The following OTUD7A variants were observed in gnomAD, a reference collection of about 807,000 sequenced individuals.
The protein encoded by OTUD7A is OTU domain-containing protein 7A.
OTUD7A carries 12 observed loss-of-function variants against 65.7 expected under a neutral mutation model. That is an observed-to-expected ratio of 0.18 (90% confidence interval 0.12 to 0.30). The LOEUF (loss-of-function observed/expected upper bound fraction) is 0.30, where lower values mean the gene tolerates loss of function less well. Among genes scored for constraint, OTUD7A ranks in the 10% least tolerant of loss-of-function variants. The pLI is 1.00. For synonymous variants in OTUD7A, 641 were observed against 586.3 expected, an observed-to-expected ratio of 1.09 and a Z score of -1.35; for missense variants, 1,148 against 1,304.8, an observed-to-expected ratio of 0.88 and a Z score of 1.85.
At chr15:31,582,806 A>T (rs1889412169) in intron 3 of OTUD7A, among the ~76,000 whole-genome samples, 1 of 152,234 alleles carries the variant, frequency 6.6e-6, no homozygotes, top group African/African-American at 2.4e-5. Flanking sequence ...TCAATGAGGG[A>T]TGATGAGGAT....
intron 8 of OTUD7A, among the ~76,000 whole-genome samples, chr15:31,523,618 T>A (rs1477597321): frequency 6.6e-6 from 1 of 152,140 alleles, no homozygotes; most frequent in Non-Finnish European, 1.5e-5. Flanking sequence ...ATCCTGGCCT[T>A]ACATCCCCTA....
At chr15:31,768,809 C>T (rs1895156857) in intron 1 of OTUD7A, among the ~76,000 whole-genome samples, 1 of 152,098 alleles carries the variant, frequency 6.6e-6, no homozygotes, top group Middle Eastern at 3.2e-3. Context: ...TGTTGTTCTA[C>T]ACAGACTGTG....
chr15:31,552,342 G>A (rs974954632), intron 5 of OTUD7A, among the ~76,000 whole-genome samples: 6 of 152,204 alleles, frequency 3.9e-5, no homozygotes, highest in African/African-American at 1.4e-4. Flanking sequence ...TAGGATTTGA[G>A]ACACCACAGG....
At chr15:31,816,106 G>A (rs1033824023) in intron 1 of OTUD7A, among the ~76,000 whole-genome samples, 1 of 152,192 alleles carries the variant, frequency 6.6e-6, no homozygotes, top group Non-Finnish European at 1.5e-5. Context: ...GGGCACAGGT[G>A]AGGATGCTGC....
At chr15:31,852,420 G>T (rs548655234) in intron 1 of OTUD7A, among the ~76,000 whole-genome samples, 10 of 152,202 alleles carry the variant, frequency 6.6e-5, no homozygotes, top group African/African-American at 2.4e-4. Flanking sequence ...AAAAACTAAG[G>T]GTTGTTAACA....
intron 1 of OTUD7A, among the ~76,000 whole-genome samples, chr15:31,679,718 TA>T (rs1190307838): frequency 3.9e-5 from 6 of 152,182 alleles, no homozygotes; most frequent in Non-Finnish European, 2.9e-5. Flanking sequence ...GTGAGCCAAT[TA>T]AACCTCTTTC....
intron 1 of OTUD7A, among the ~76,000 whole-genome samples, chr15:31,827,408 C>T (rs1399567466): frequency 1.3e-5 from 2 of 152,174 alleles, no homozygotes; most frequent in African/African-American, 4.8e-5. Context: ...TGAGGGAAAC[C>T]ACCCCATGAT....
intron 1 of OTUD7A, among the ~76,000 whole-genome samples, chr15:31,821,187 G>A (rs1352369780): frequency 2.8e-5 from 4 of 142,496 alleles, no homozygotes; most frequent in African/African-American, 1.1e-4. Context: ...CCAGGCTGGA[G>A]TGCAGTGGCG....
intron 1 of OTUD7A, among the ~76,000 whole-genome samples, chr15:31,709,155 G>C (rs1893375032): frequency 6.6e-6 from 1 of 151,516 alleles, no homozygotes; most frequent in Admixed American, 6.5e-5. Context: ...GGGCTGAACA[G>C]GCCAGACCTC....
intron 10 of OTUD7A, among the ~76,000 whole-genome samples, chr15:31,490,036 C>T (rs1233020632): frequency 6.6e-6 from 1 of 152,258 alleles, no homozygotes; most frequent in African/African-American, 2.4e-5. Context: ...AGAGGGTCAA[C>T]TGCGGCCTGT....
intron 4 of OTUD7A, among the ~76,000 whole-genome samples, chr15:31,561,823 A>T (rs1237743019): frequency 2.1e-5 from 3 of 141,900 alleles, no homozygotes; most frequent in Admixed American, 2.1e-4. Flanking sequence ...GATTCTTTAA[A>T]CGTGAACTCA....
chr15:31,533,209 T>C (rs1335876508), intron 5 of OTUD7A, among the ~76,000 whole-genome samples: 1 of 151,778 alleles, frequency 6.6e-6, no homozygotes, highest in Non-Finnish European at 1.5e-5. Flanking sequence ...TTGGCTACCG[T>C]GTAGGCCAGA....
chr15:31,844,322 T>G (rs957539960), intron 1 of OTUD7A, among the ~76,000 whole-genome samples: 1 of 152,172 alleles, frequency 6.6e-6, no homozygotes, highest in Non-Finnish European at 1.5e-5. Context: ...CTGACCAGCA[T>G]AGTGAAACCC....
chr15:31,777,182 A>G (rs1211026005), intron 1 of OTUD7A, among the ~76,000 whole-genome samples: 1 of 152,096 alleles, frequency 6.6e-6, no homozygotes, highest in Non-Finnish European at 1.5e-5. Context: ...ATACACGGTG[A>G]CTTCTCCCTG....
intron 5 of OTUD7A, chr15:31,557,720 T>A (rs1381161275): frequency 6.6e-6 from 1 of 152,352 alleles, no homozygotes; most frequent in Non-Finnish European, 1.5e-5. Flanking sequence ...AGTTTTGTGC[T>A]GCCTTTTCTT....
chr15:31,777,425 A>C (rs947323129), intron 1 of OTUD7A, among the ~76,000 whole-genome samples: 11 of 152,176 alleles, frequency 7.2e-5, no homozygotes, highest in African/African-American at 2.7e-4. Flanking sequence ...ATTAAATGCA[A>C]TCCTTACCCA....
At chr15:31,528,612 C>T (rs1260686914) in intron 6 of OTUD7A, among the ~76,000 whole-genome samples, 1 of 152,264 alleles carries the variant, frequency 6.6e-6, no homozygotes, top group Non-Finnish European at 1.5e-5. Context: ...ACTCCTCGCT[C>T]ATCCTCAGAC....
chr15:31,849,884 T>G (rs1447326879), intron 1 of OTUD7A, among the ~76,000 whole-genome samples: 1 of 152,152 alleles, frequency 6.6e-6, no homozygotes, highest in Non-Finnish European at 1.5e-5. Flanking sequence ...TGGTGATCAT[T>G]AAAAAGTCAG....
intron 3 of OTUD7A, among the ~76,000 whole-genome samples, chr15:31,615,096 C>T (rs1304662623): frequency 1.3e-5 from 2 of 151,966 alleles, no homozygotes; most frequent in Non-Finnish European, 2.9e-5. Context: ...AATGACAGGG[C>T]AAACAAAAGC....
Sources: allele counts gnomAD v4.1 joint callset (sites outside exome capture counted in the v4.1 genomes callset), GRCh38; gene constraint gnomAD v4.1.1; transcripts MANE v1.5; gene names NCBI Gene and HGNC (gene_info 2026-07-23, HGNC 2026-07-21).